Variants in KDM6A observed in about 807,000 individuals in gnomAD.
KDM6A encodes the protein lysine-specific demethylase 6A.
KDM6A carries 11 observed loss-of-function variants against 117.6 expected under a neutral mutation model. The observed-to-expected ratio is 0.09, with a 90% CI of 0.06 to 0.15. The LOEUF (loss-of-function observed/expected upper bound fraction) is 0.15, where lower values mean the gene tolerates loss of function less well. KDM6A is among the 10% of genes least tolerant of loss of function. The pLI, the probability that KDM6A is intolerant of heterozygous loss-of-function variation, is 1.00. For missense variants in KDM6A, 799 were observed against 1,077.3 expected (o/e 0.74, Z 3.62); for synonymous variants, 384 against 396.1 (o/e 0.97, Z 0.36).
chrX:44,894,026 T>G (rs2033600688), intron 2 of KDM6A, among the ~76,000 whole-genome samples: 1 of 111,957 alleles, frequency 8.9e-6, no homozygotes, highest in Admixed American at 9.5e-5. Flanking sequence ...CATTGTTGGA[T>G]TACATTTGCT....
chrX:44,939,623 T>C (rs1019067890), intron 2 of KDM6A, among the ~76,000 whole-genome samples: 1 of 112,400 alleles, frequency 8.9e-6, no homozygotes, highest in Non-Finnish European at 1.9e-5. Flanking sequence ...GAACTGACTC[T>C]AGTTTTGAAA....
chrX:44,942,937 G>C lies in KDM6A; in HGVS notation c.226-18347G>C, dbSNP rs1602284532. Among the ~76,000 whole-genome samples, 4 of 110,857 alleles carry C rather than the reference G, an allele frequency of 3.6e-5. No individual in the cohort carries two copies. In the South Asian group the frequency reaches 1.5e-3, roughly 42 times the overall value. The stretch of plus-strand genomic sequence containing the variant: ...TAATTTCAACTTTTAACTTGCCACA[G>C]TCTACCTTCAAATAATATTTACACT... On this transcript the variant is annotated intron_variant, in intron 2 of 29. Coordinates refer to ENST00000611820, the MANE Select transcript of KDM6A (RefSeq NM_001291415.2).
In KDM6A at chrX:44,878,615, G is replaced by A. The variant is rs771031779; in HGVS notation, c.225+4628G>A. 2.7e-5 allele frequency among the ~76,000 whole-genome samples: 3 copies of A among 111,816 alleles called. No homozygotes were observed. The South Asian group carries it at 1.1e-3, about 41-fold the overall frequency. ...TTAGAACTGCAGCAATACATAAACA[G>A]GCACTTTTAAAGTTCTGGTTTTCTT... On this transcript the variant is annotated intron_variant, in intron 2 of 29. Transcript: ENST00000611820.
intron 2 of KDM6A, among the ~76,000 whole-genome samples, chrX:44,892,121 C>G (rs2033412427): frequency 8.9e-6 from 1 of 112,404 alleles, no homozygotes; most frequent in Admixed American, 9.4e-5. Flanking sequence ...GAAGAGGAAC[C>G]TCTACGTTTT....
chrX:45,006,416 A>G (rs1282843670), intron 4 of KDM6A, among the ~76,000 whole-genome samples: 1 of 110,742 alleles, frequency 9.0e-6, no homozygotes, highest in Non-Finnish European at 1.9e-5. Flanking sequence ...AGATACTTCT[A>G]TAGAAGGGTG....
rs751787556 is a variant in KDM6A, at chrX:44,957,661, G to GT, written c.226-3616dup. Among the ~76,000 whole-genome samples, 11 of 111,426 alleles carry GT rather than the reference G, an allele frequency of 9.9e-5. No homozygotes were observed. In the South Asian group the frequency reaches 3.0e-3, roughly 30 times the overall value. ...TAGTTCATTTATTTCCCTTTTCAGT[G>GT]TTTTTTTCCCTAGTAGGTAGTAAGG... On this transcript the variant is annotated intron_variant, in intron 2 of 29. Coordinates refer to ENST00000611820, the MANE Select transcript of KDM6A (RefSeq NM_001291415.2).
rs1252386294 is a variant in KDM6A, at chrX:45,053,871, C to T, written c.791C>T (p.Thr264Ile). 8.4e-7 allele frequency: 1 copy of T among 1,196,552 alleles called. No homozygotes were observed. ...HTVDLLGDKA[T>I]KESYAIQYLQ... ...GTAGATCTCCTGGGAGATAAAGCCA[C>T]CAAGGAAAGCTATGCTATTCAGTAT... Residue 264 changes from threonine to isoleucine, a missense_variant, in exon 10 of 30, where the codon ACC (threonine) becomes ATC (isoleucine). Coordinates refer to ENST00000611820, the MANE Select transcript of KDM6A (RefSeq NM_001291415.2).
intron 8 of KDM6A, among the ~76,000 whole-genome samples, chrX:45,047,774 C>T (rs1166752693): frequency 1.0e-5 from 1 of 97,708 alleles, no homozygotes. Context: ...ACCCCTGCCT[C>T]CCAGGTTCAA....
At chrX:44,908,694 T>A (rs2034887301) in intron 2 of KDM6A, among the ~76,000 whole-genome samples, 1 of 111,368 alleles carries the variant, frequency 9.0e-6, no homozygotes, top group African/African-American at 3.3e-5. Flanking sequence ...CTACCCAGAT[T>A]TTAGGAGAGG....
At chrX:44,976,010 T>A (rs2039602835) in intron 4 of KDM6A, among the ~76,000 whole-genome samples, 1 of 112,319 alleles carries the variant, frequency 8.9e-6, no homozygotes, top group Admixed American at 9.4e-5. Context: ...CAGGACCCCC[T>A]TTCTTTGCTG....
At chrX:44,897,580 CT>C (rs2033997298) in intron 2 of KDM6A, among the ~76,000 whole-genome samples, 1 of 110,104 alleles carries the variant, frequency 9.1e-6, no homozygotes, top group African/African-American at 3.3e-5. Flanking sequence ...TTCCTTTTTT[CT>C]TTTAAGAGAC....
At chrX:44,990,377 AACAAT>A in intron 4 of KDM6A, among the ~76,000 whole-genome samples, 1 of 110,021 alleles carries the variant, frequency 9.1e-6, no homozygotes, top group South Asian at 3.9e-4. Flanking sequence ...CGTTTCTACT[AACAAT>A]ACAAAAAATT....
At position 44,873,960 on chromosome X, in the gene KDM6A, C is replaced by T. The variant is rs143969849; in HGVS notation, c.198C>T (p.Gly66=). The T allele has an allele frequency of 7.4e-6, 9 of 1,211,004 alleles. No individual in the cohort carries two copies. In the South Asian group the frequency reaches 8.8e-5, roughly 12 times the overall value. Residue 66 remains glycine (G), a synonymous_variant, in exon 2 of 30, where the codon GGC becomes GGT. Coordinates refer to ENST00000611820, the MANE Select transcript of KDM6A (RefSeq NM_001291415.2). ...LFGFVRFHED[G]ARTKALLGKA... is the part of the protein sequence containing the mutation. Reference sequence around the variant, plus strand: ...GGTTCGTGAGATTTCATGAAGATGGCGCCAGGACGAAGGCCCTACTGGGCA... The same window carrying T: ...GGTTCGTGAGATTTCATGAAGATGGTGCCAGGACGAAGGCCCTACTGGGCA...
Position 45,112,222 on chromosome X carries a change from A to G in KDM6A, c.*811A>G, listed in dbSNP as rs1246083636. ...TAAAACTGCTTAGCATTGTACAGAA[A>G]CTTTTATTAAAATTGTTTAATGTTT... On this transcript the variant is annotated 3_prime_UTR_variant, in exon 30 of 30. Coordinates refer to ENST00000611820, the MANE Select transcript of KDM6A (RefSeq NM_001291415.2). 1 of 153,668 alleles carries G rather than the reference A, an allele frequency of 6.5e-6. No individual in the cohort carries two copies. The highest frequency in any genetic ancestry group is 3.1e-5 in the African/African-American group (1 of 32,489). The allele number at this position is 153,668 out of a possible 1,213,427, so 12.7% of individuals were successfully genotyped here.
At position 45,012,674 on chromosome X, in the gene KDM6A, A is replaced by C. The variant is rs758843539; in HGVS notation, c.443+1655A>C. Among the ~76,000 whole-genome samples the C allele has an allele frequency of 2.8e-4, 31 of 111,721 alleles. 1 individual carries two copies. Among genetic ancestry groups the C allele is most frequent in the Admixed American group, 2.6e-3 (27 of 10,555 alleles). ...CCTGAATACTTATTACAGAGCATTT[A>C]CATATGCATTGACAGTGATTTTATA... On this transcript the variant is annotated intron_variant, in intron 5 of 29. Coordinates refer to ENST00000611820, the MANE Select transcript of KDM6A (RefSeq NM_001291415.2).
intron 2 of KDM6A, among the ~76,000 whole-genome samples, chrX:44,959,873 G>A (rs1299531563): frequency 9.0e-6 from 1 of 111,496 alleles, no homozygotes; most frequent in East Asian, 2.8e-4. Context: ...TTCAGTGATT[G>A]TGATTTGGTA....
At chrX:44,943,928 A>T (rs1175190583) in intron 2 of KDM6A, among the ~76,000 whole-genome samples, 1 of 111,973 alleles carries the variant, frequency 8.9e-6, no homozygotes. Flanking sequence ...TGAGAGTTCC[A>T]CTTGTTCTGC....
chrX:44,905,727 C>T (rs1444025361), intron 2 of KDM6A, among the ~76,000 whole-genome samples: 3 of 112,000 alleles, frequency 2.7e-5, no homozygotes, highest in African/African-American at 9.7e-5. Flanking sequence ...TTGCTTTTGG[C>T]TTTATAAAGA....
At chrX:44,957,494 G>A (rs758551711) in intron 2 of KDM6A, among the ~76,000 whole-genome samples, 1 of 112,062 alleles carries the variant, frequency 8.9e-6, no homozygotes, top group Non-Finnish European at 1.9e-5. Context: ...TAATGGTAAC[G>A]TTACTTTTCT....
Sources: gnomAD v4.1 joint callset for allele counts (sites outside exome capture counted in the v4.1 genomes callset) on GRCh38, gnomAD v4.1.1 for gene constraint, MANE v1.5 for transcripts, NCBI Gene and HGNC (gene_info 2026-07-23, HGNC 2026-07-21) for gene names.